Variants in NTM observed in about 807,000 individuals in gnomAD.
NTM encodes the protein IgLON family member 2.
NTM carries 13 observed loss-of-function variants against 42.1 expected under a neutral mutation model. The observed-to-expected ratio is 0.31, with a 90% CI of 0.20 to 0.49. The LOEUF is 0.49. NTM is among the 20% of genes least tolerant of loss of function. The pLI is 0.99. For synonymous variants in NTM, 187 were observed against 179.2 expected, an observed-to-expected ratio of 1.04 and a Z score of -0.35; for missense variants, 373 against 452.8, an observed-to-expected ratio of 0.82 and a Z score of 1.60.
chr11:131,563,687 C>T (rs527704519), intron 1 of NTM, among the ~76,000 whole-genome samples: 1 of 149,996 alleles, frequency 6.7e-6, no homozygotes, highest in Admixed American at 6.7e-5. Flanking sequence ...AATAACTAGG[C>T]ACCCTCTCTC....
At chr11:131,727,705 T>A (rs1484403259) in intron 1 of NTM, among the ~76,000 whole-genome samples, 1 of 152,184 alleles carries the variant, frequency 6.6e-6, no homozygotes, top group Non-Finnish European at 1.5e-5. Context: ...AGGCTGACAC[T>A]GATGAGAGAA....
At chr11:131,483,006 C>T (rs530171295) in intron 1 of NTM, among the ~76,000 whole-genome samples, 10 of 152,298 alleles carry the variant, frequency 6.6e-5, no homozygotes, top group Non-Finnish European at 1.3e-4. Context: ...AAGCAGATCT[C>T]TTTTAATCTT....
In NTM at chr11:131,665,881, A is replaced by G. The variant is rs369803279; in HGVS notation, c.83-245683A>G. On this transcript the variant is annotated intron_variant, in intron 1 of 8. Coordinates refer to ENST00000683400, the MANE Select transcript of NTM (RefSeq NM_001352005.2). ...TGATCCCCAGTTTCCTTATCTGTAC[A>G]ATGGGTATGATATATATCTCATTGC... Among the ~76,000 whole-genome samples the G allele has an allele frequency of 1.1e-4, 16 of 152,340 alleles. 1 individual carries two copies. The East Asian group carries it at 1.5e-3, about 15-fold the overall frequency.
intron 2 of NTM, among the ~76,000 whole-genome samples, chr11:132,000,892 C>T (rs1175528565): frequency 2.0e-5 from 3 of 152,094 alleles, no homozygotes; most frequent in Admixed American, 1.3e-4. Context: ...TTTTTACTGG[C>T]GTTTATCTTA....
intron 4 of NTM, among the ~76,000 whole-genome samples, chr11:132,219,722 G>A (rs951589465): frequency 6.6e-6 from 1 of 151,952 alleles, no homozygotes; most frequent in Admixed American, 6.6e-5. Context: ...GATATGACAA[G>A]GATTAAACAC....
intron 3 of NTM, among the ~76,000 whole-genome samples, chr11:132,181,646 C>T (rs568092982): frequency 4.7e-4 from 72 of 152,262 alleles, no homozygotes; most frequent in African/African-American, 1.7e-3. Flanking sequence ...AGAAAAATTA[C>T]AATGCAGGAA....
intron 1 of NTM, among the ~76,000 whole-genome samples, chr11:131,401,389 A>G (rs144213428): frequency 6.6e-6 from 1 of 152,250 alleles, no homozygotes; most frequent in African/African-American, 2.4e-5. Flanking sequence ...AAGGGTTCAA[A>G]TCCCTGATGG....
chr11:132,160,754 G>T (rs989685332), intron 3 of NTM, among the ~76,000 whole-genome samples: 4 of 152,202 alleles, frequency 2.6e-5, no homozygotes. Context: ...AGCTGAGGAG[G>T]ATTAGCTGGG....
chr11:131,506,563 G>A (rs1022430055), intron 1 of NTM, among the ~76,000 whole-genome samples: 8 of 152,176 alleles, frequency 5.3e-5, no homozygotes, highest in African/African-American at 1.9e-4. Flanking sequence ...TCCAGTGCTG[G>A]CAGCCTGGGG....
intron 1 of NTM, among the ~76,000 whole-genome samples, chr11:131,886,420 C>T (rs754953853): frequency 6.6e-6 from 1 of 151,590 alleles, no homozygotes; most frequent in Non-Finnish European, 1.5e-5. Flanking sequence ...GCCTCTTCCC[C>T]GTTCCCCACC....
intron 1 of NTM, among the ~76,000 whole-genome samples, chr11:131,517,596 T>TC (rs1280505221): frequency 2.6e-5 from 4 of 151,928 alleles, no homozygotes; most frequent in Non-Finnish European, 5.9e-5. Context: ...CTCTTTTTTT[T>TC]CCCTTCTTTT....
At chr11:131,787,515 A>G (rs1565546382) in intron 1 of NTM, among the ~76,000 whole-genome samples, 1 of 151,778 alleles carries the variant, frequency 6.6e-6, no homozygotes, top group Non-Finnish European at 1.5e-5. Context: ...CCTTTGGAGT[A>G]GCTGGGGCTA....
chr11:132,309,195 T>A (rs545571478), intron 5 of NTM, among the ~76,000 whole-genome samples: 1 of 152,362 alleles, frequency 6.6e-6, no homozygotes, highest in African/African-American at 2.4e-5. Context: ...TTATTGTGGC[T>A]GTTTTTCATA....
intron 1 of NTM, among the ~76,000 whole-genome samples, chr11:131,691,502 G>C (rs1436880554): frequency 6.6e-6 from 1 of 151,914 alleles, no homozygotes; most frequent in Non-Finnish European, 1.5e-5. Context: ...CTCCCTCCTG[G>C]CCCCCCGCCA....
At position 131,631,123 on chromosome 11, in the gene NTM, T is replaced by G. The variant is rs572180688; in HGVS notation, c.82+260235T>G. 3.3e-5 allele frequency among the ~76,000 whole-genome samples: 5 copies of G among 152,298 alleles called. No individual in the cohort carries two copies. The South Asian group carries it at 1.0e-3, about 32-fold the overall frequency. On this transcript the variant is annotated intron_variant, in intron 1 of 8. Coordinates refer to ENST00000683400, the MANE Select transcript of NTM (RefSeq NM_001352005.2). ...GGATTCAGAAATACGTGGAATTCAG[T>G]AGGGCTCTGGCACCTACTAACAATT...
At chr11:131,982,114 T>A (rs1171885367) in intron 2 of NTM, among the ~76,000 whole-genome samples, 2 of 151,770 alleles carry the variant, frequency 1.3e-5, no homozygotes, top group African/African-American at 4.8e-5. Context: ...CCGTGCAGTT[T>A]GAAATTATCT....
chr11:132,087,054 G>A (rs1466205933), intron 2 of NTM, among the ~76,000 whole-genome samples: 8 of 152,134 alleles, frequency 5.3e-5, no homozygotes, highest in Non-Finnish European at 1.0e-4. Context: ...TAGAAAGAGG[G>A]GAGCCCTGCA....
At chr11:132,080,768 T>C (rs1249460884) in intron 2 of NTM, among the ~76,000 whole-genome samples, 1 of 152,202 alleles carries the variant, frequency 6.6e-6, no homozygotes, top group Non-Finnish European at 1.5e-5. Context: ...GTTTGGATTT[T>C]AATCTAAAAA....
chr11:131,395,880 C>A (rs1944496778), intron 1 of NTM, among the ~76,000 whole-genome samples: 1 of 152,114 alleles, frequency 6.6e-6, no homozygotes, highest in Non-Finnish European at 1.5e-5. Context: ...TAAAAAACAC[C>A]CAGTGGCTTA....
Sources: allele counts gnomAD v4.1 joint callset (sites outside exome capture counted in the v4.1 genomes callset), GRCh38; gene constraint gnomAD v4.1.1; transcripts MANE v1.5; gene names NCBI Gene and HGNC (gene_info 2026-07-23, HGNC 2026-07-21).